SORBS2: variants seen among roughly 807,000 people sequenced by gnomAD.
SORBS2 encodes the protein sorbin and SH3 domain containing 2.
Under a neutral mutation model 97.7 loss-of-function variants are expected in SORBS2, and 46 were observed. That is an observed-to-expected ratio of 0.47 (90% CI 0.37 to 0.60). The LOEUF is 0.60. Among genes scored for constraint, SORBS2 ranks in the 20% least tolerant of loss-of-function variants. The pLI, the probability that SORBS2 is intolerant of heterozygous loss-of-function variation, is 0.00. For synonymous variants in SORBS2, 476 were observed against 473.4 expected (o/e 1.01, Z -0.07); for missense variants, 1,316 against 1,282.3 (o/e 1.03, Z -0.40).
At chr4:185,767,541 A>G (rs2098943726) in intron 2 of SORBS2, among the ~76,000 whole-genome samples, 1 of 150,908 alleles carries the variant, frequency 6.6e-6, no homozygotes, top group African/African-American at 2.4e-5. Flanking sequence ...TGAAAGAGCT[A>G]TGCATTTGGT....
chr4:185,875,136 A>G (rs2099232773), intron 1 of SORBS2, among the ~76,000 whole-genome samples: 1 of 152,164 alleles, frequency 6.6e-6, no homozygotes, highest in South Asian at 2.1e-4. Context: ...CTGGTTAAAA[A>G]TAAGGCAAGA....
At chr4:185,893,222 A>T (rs547666396) in intron 1 of SORBS2, among the ~76,000 whole-genome samples, 3 of 152,286 alleles carry the variant, frequency 2.0e-5, no homozygotes, top group Admixed American at 2.0e-4. Flanking sequence ...TAGGAAATGG[A>T]TTGTCTTCTG....
intron 1 of SORBS2, among the ~76,000 whole-genome samples, chr4:185,954,453 C>T (rs1241416932): frequency 6.6e-6 from 1 of 152,000 alleles, no homozygotes; most frequent in Non-Finnish European, 1.5e-5. Context: ...ATTTTACTTG[C>T]TTATATTTTA....
chr4:185,598,591 T>G (rs1484126019), intron 12 of SORBS2, among the ~76,000 whole-genome samples: 1 of 152,224 alleles, frequency 6.6e-6, no homozygotes, highest in African/African-American at 2.4e-5. Context: ...AAAGAAGGAT[T>G]GACTGTTACT....
At chr4:185,845,339 A>G (rs1193435484) in intron 1 of SORBS2, among the ~76,000 whole-genome samples, 1 of 152,160 alleles carries the variant, frequency 6.6e-6, no homozygotes, top group African/African-American at 2.4e-5. Flanking sequence ...TTTTTGAAGT[A>G]GATAGTGATG....
chr4:185,863,949 G>A (rs1401984714), intron 1 of SORBS2, among the ~76,000 whole-genome samples: 1 of 152,102 alleles, frequency 6.6e-6, no homozygotes. Context: ...AGAAGATAAA[G>A]GTCTCTACAG....
chr4:185,632,830 T>C (rs2096930165), intron 4 of SORBS2, among the ~76,000 whole-genome samples: 1 of 152,248 alleles, frequency 6.6e-6, no homozygotes, highest in South Asian at 2.1e-4. Flanking sequence ...TACTGGTTTC[T>C]ACATTCAAAA....
intron 1 of SORBS2, among the ~76,000 whole-genome samples, chr4:185,835,929 C>CTTAGAG (rs2099207833): frequency 6.6e-6 from 1 of 151,944 alleles, no homozygotes; most frequent in Non-Finnish European, 1.5e-5. Flanking sequence ...CATGATAATC[C>CTTAGAG]AGCTTATTGC....
intron 2 of SORBS2, among the ~76,000 whole-genome samples, chr4:185,691,667 T>C (rs185561861): frequency 1.3e-5 from 2 of 152,320 alleles, no homozygotes; most frequent in Admixed American, 1.3e-4. Context: ...TGAATGCTGA[T>C]TTTTCCCAGT....
At chr4:185,678,892 G>T in intron 2 of SORBS2, 70 bp from the exon 6 acceptor site, 1 of 921,316 alleles carries the variant, frequency 1.1e-6, no homozygotes, top group Non-Finnish European at 1.6e-6. Context: ...AAAATAACAT[G>T]GCAAAGAACT....
intron 1 of SORBS2, among the ~76,000 whole-genome samples, chr4:185,898,787 C>T (rs559716831): frequency 5.3e-5 from 8 of 152,144 alleles, no homozygotes; most frequent in Admixed American, 1.3e-4. Flanking sequence ...ATTTGGATAC[C>T]GTGAGCTTCA....
chr4:185,926,362 C>T (rs184662646), intron 1 of SORBS2, among the ~76,000 whole-genome samples: 143 of 152,060 alleles, frequency 9.4e-4, no homozygotes, highest in Middle Eastern at 3.4e-3. Flanking sequence ...GGAGGCGGTG[C>T]CTTGTCGCCT....
intron 1 of SORBS2, among the ~76,000 whole-genome samples, chr4:185,879,269 G>A (rs2099235640): frequency 6.7e-6 from 1 of 149,690 alleles, no homozygotes; most frequent in Non-Finnish European, 1.5e-5. Flanking sequence ...AACATGCGGT[G>A]TTTGGTTTTC....
At chr4:185,670,910 G>A (rs892999940) in intron 4 of SORBS2, among the ~76,000 whole-genome samples, 3 of 152,140 alleles carry the variant, frequency 2.0e-5, no homozygotes, top group Non-Finnish European at 2.9e-5. Context: ...TTTGAATTAC[G>A]TGACACTGAA....
At chr4:185,753,358 AAT>A (rs2098812695) in intron 2 of SORBS2, among the ~76,000 whole-genome samples, 2 of 152,238 alleles carry the variant, frequency 1.3e-5, no homozygotes, top group Non-Finnish European at 2.9e-5. Flanking sequence ...GAGAATTAGA[AAT>A]TGCATAAGGA....
chr4:185,656,813 A>G, exon 1 of SORBS2: 1 of 1,396,792 alleles, frequency 7.2e-7, no homozygotes, highest in Non-Finnish European at 9.3e-7. Flanking sequence ...AAAACTTAAA[A>G]AAAAATCCAA....
intron 1 of SORBS2, among the ~76,000 whole-genome samples, chr4:185,798,676 A>T (rs900210073): frequency 6.6e-6 from 1 of 152,188 alleles, no homozygotes; most frequent in Admixed American, 6.5e-5. Context: ...GAAAGCTAGT[A>T]TATATGCTTA....
At chr4:185,646,160 A>G (rs1316962287) in intron 4 of SORBS2, 1 of 152,198 alleles carries the variant, frequency 6.6e-6, no homozygotes, top group East Asian at 1.9e-4. Flanking sequence ...AGAAATATTA[A>G]AAAGCCAATA....
chr4:185,937,501 G>T (rs956084043), intron 1 of SORBS2, among the ~76,000 whole-genome samples: 20 of 152,170 alleles, frequency 1.3e-4, no homozygotes, highest in African/African-American at 2.2e-4. Context: ...AACTTCAGAA[G>T]TGGAGAACTC....
Sources: allele counts gnomAD v4.1 joint callset (sites outside exome capture counted in the v4.1 genomes callset), GRCh38; gene constraint gnomAD v4.1.1; transcripts MANE v1.5; gene names NCBI Gene and HGNC (gene_info 2026-07-23, HGNC 2026-07-21).